The following KCNK18 variants were observed in gnomAD, a reference collection of about 807,000 sequenced individuals.
The protein encoded by KCNK18 is potassium channel subfamily K member 18.
KCNK18 carries 8 observed loss-of-function variants against 11.8 expected under a neutral mutation model. That is an observed-to-expected ratio of 0.68 (90% CI 0.40 to 1.22). The LOEUF (loss-of-function observed/expected upper bound fraction) is 1.22. Among genes scored for constraint, KCNK18 ranks in the 50% most tolerant of loss-of-function variants. The probability of loss-of-function intolerance (pLI) is 0.01; values close to 1 mark genes in which losing one functional copy is unlikely to be tolerated. For missense variants in KCNK18, 442 were observed against 465.4 expected, an observed-to-expected ratio of 0.95 and a Z score of 0.46; for synonymous variants, 208 against 185.8, an observed-to-expected ratio of 1.12 and a Z score of -0.97.
At chr10:117,203,664 C>T (rs765184719) in intron 2 of KCNK18, among the ~76,000 whole-genome samples, 2 of 152,200 alleles carry the variant, frequency 1.3e-5, no homozygotes, top group Admixed American at 6.5e-5. Context: ...CTCGGTCTCC[C>T]GAGTAGCTGA....
rs1467618048 is a variant in KCNK18 at position 117,209,987 on chromosome 10, C to A, written c.843C>A (p.Ile281=). Reference sequence around the variant, plus strand: ...GACAGCAGGTGGAGAGGTTGGACATCCCCCTCCCCATCATTGCCCTTATTG... The same window carrying A: ...GACAGCAGGTGGAGAGGTTGGACATACCCCTCCCCATCATTGCCCTTATTG... ...EVGQQVERLD[I]PLPIIALIVF... Residue 281 remains isoleucine (I), a synonymous_variant, in exon 3 of 3, where the codon ATC becomes ATA. Coordinates refer to ENST00000334549, the MANE Select transcript of KCNK18 (RefSeq NM_181840.1). The A allele has an allele frequency of 6.2e-7, 1 of 1,614,154 alleles. No individual in the cohort carries two copies. The highest frequency in any genetic ancestry group is 8.5e-7 in the Non-Finnish European group (1 of 1,180,010).
Position 117,210,143 on chromosome 10 carries a change from C to A in KCNK18, c.999C>A (p.His333Gln), listed in dbSNP as rs548343681. Residue 333 changes from histidine (H) to glutamine (Q), a missense_variant, in exon 3 of 3, where the codon CAC (histidine) becomes CAA (glutamine). Transcript: ENST00000334549. ...TIGFGDTVLEHPNFFLFFSIY... is the reference protein window; with the variant it reads ...TIGFGDTVLEQPNFFLFFSIY... ...GGTTTGGGGATACTGTTTTAGAACACCCTAACTTCTTCCTGTTCTTCTCCA... is the reference window on the plus strand; with the variant it reads ...GGTTTGGGGATACTGTTTTAGAACAACCTAACTTCTTCCTGTTCTTCTCCA... The A allele has an allele frequency of 1.2e-6, 2 of 1,614,222 alleles. No homozygotes were observed. Among genetic ancestry groups the A allele is most frequent in the African/African-American group, 2.7e-5 (2 of 75,046 alleles).
intron 1 of KCNK18, among the ~76,000 whole-genome samples, chr10:117,198,487 C>G (rs1191115366): frequency 6.6e-6 from 1 of 152,204 alleles, no homozygotes; most frequent in Non-Finnish European, 1.5e-5. Flanking sequence ...ACAGAAGTCA[C>G]TTTATAGTGT....
intron 2 of KCNK18, among the ~76,000 whole-genome samples, chr10:117,202,138 G>A (rs1855020491): frequency 6.6e-6 from 1 of 152,250 alleles, no homozygotes; most frequent in Non-Finnish European, 1.5e-5. Context: ...ATCCCTAGGA[G>A]GACCTGGCCC....
chr10:117,199,961 T>C (rs1306834544), intron 1 of KCNK18, among the ~76,000 whole-genome samples: 1 of 152,240 alleles, frequency 6.6e-6, no homozygotes, highest in Admixed American at 6.5e-5. Context: ...CCCTGCTCTG[T>C]TAGCCTTGGA....
chr10:117,205,765 C>T (rs1276265758), intron 2 of KCNK18, among the ~76,000 whole-genome samples: 1 of 152,142 alleles, frequency 6.6e-6, no homozygotes, highest in African/African-American at 2.4e-5. Flanking sequence ...AAGATGCAAA[C>T]CAAGTCAGAA....
chr10:117,209,529 G>T lies in KCNK18; in HGVS notation c.385G>T (p.Gly129Cys). Reference sequence around the variant, plus strand: ...CTACATCTACCCCGTCACCAGGCTTGGCAAGTACTTGTGCATGCTCTATGC... The same window carrying T: ...CTACATCTACCCCGTCACCAGGCTTTGCAAGTACTTGTGCATGCTCTATGC... ...YGYIYPVTRL[G>C]KYLCMLYALF... is the part of the protein sequence containing the mutation. The change falls in exon 3 of 3, where the codon GGC becomes TGC. Residue 129 changes from glycine to cysteine, a missense_variant. Coordinates refer to ENST00000334549, the MANE Select transcript of KCNK18 (RefSeq NM_181840.1). 6.2e-7 allele frequency: 1 copy of T among 1,614,088 alleles called. No individual in the cohort carries two copies. The highest frequency in any genetic ancestry group is 8.5e-7 in the Non-Finnish European group (1 of 1,180,012).
Position 117,209,955 on chromosome 10 carries a change from G to A in KCNK18, c.811G>A (p.Glu271Lys), listed in dbSNP as rs1855125460. The A allele has an allele frequency of 1.2e-6, 2 of 1,614,248 alleles. No homozygotes were observed. Among genetic ancestry groups the A allele is most frequent in the Non-Finnish European group, 1.7e-6 (2 of 1,180,044 alleles). Reference sequence around the variant, plus strand: ...ATACTCCATCATCAGCAACCTGGATGAAGTTGGACAGCAGGTGGAGAGGTT... The same window carrying A: ...ATACTCCATCATCAGCAACCTGGATAAAGTTGGACAGCAGGTGGAGAGGTT... ...LSYSIISNLD[E>K]VGQQVERLDI... The change falls in exon 3 of 3, where the codon GAA (glutamate) becomes AAA (lysine). Residue 271 changes from glutamate to lysine, a missense_variant. Transcript: ENST00000334549.
Position 117,209,912 on chromosome 10 carries a change from G to A in KCNK18, c.768G>A (p.Leu256=). Reference sequence around the variant, plus strand: ...AGAGGAGTAACTCGTGTCCCGAACTGGTGTTGGGAAGACTCTCATACTCCA... The same window carrying A: ...AGAGGAGTAACTCGTGTCCCGAACTAGTGTTGGGAAGACTCTCATACTCCA... ...AMERSNSCPE[L]VLGRLSYSII... Residue 256 remains leucine (L), a synonymous_variant, in exon 3 of 3, where the codon CTG becomes CTA. Transcript: ENST00000334549. 6.2e-7 allele frequency: 1 copy of A among 1,614,196 alleles called. No individual in the cohort carries two copies. The highest frequency in any genetic ancestry group is 1.1e-5 in the South Asian group (1 of 91,078).
intron 2 of KCNK18, among the ~76,000 whole-genome samples, chr10:117,208,424 AT>A (rs1855103009): frequency 6.6e-6 from 1 of 152,142 alleles, no homozygotes; most frequent in Non-Finnish European, 1.5e-5. Flanking sequence ...CAAAGTAGGT[AT>A]TGTCATCCCC....
intron 1 of KCNK18, among the ~76,000 whole-genome samples, chr10:117,200,856 T>C (rs1855005244): frequency 6.6e-6 from 1 of 151,092 alleles, no homozygotes; most frequent in South Asian, 2.1e-4. Context: ...TTCAGAAAAT[T>C]AAAAGGCAAA....
chr10:117,206,236 C>A (rs1403256238), intron 2 of KCNK18, among the ~76,000 whole-genome samples: 1 of 152,096 alleles, frequency 6.6e-6, no homozygotes, highest in African/African-American at 2.4e-5. Flanking sequence ...CCCTCTAAGG[C>A]TCTAGGAGAG....
rs761005899 is a variant in KCNK18 at position 117,209,860 on chromosome 10, C to T, written c.716C>T (p.Thr239Ile). The T allele has an allele frequency of 1.9e-6, 3 of 1,614,182 alleles. No homozygotes were observed. The highest frequency in any genetic ancestry group is 2.5e-6 in the Non-Finnish European group (3 of 1,180,036). ...ERSHALEKQNTLQLPPQAMER... is the reference protein window; with the variant it reads ...ERSHALEKQNILQLPPQAMER... Reference sequence around the variant, plus strand: ...TCTCATGCGCTAGAGAAACAGAACACACTGCAACTGCCCCCACAAGCCATG... The same window carrying T: ...TCTCATGCGCTAGAGAAACAGAACATACTGCAACTGCCCCCACAAGCCATG... Residue 239 changes from threonine to isoleucine, a missense_variant, in exon 3 of 3, where the codon ACA becomes ATA. Physicochemically the swap from Thr to Ile is moderately conservative, Grantham distance 89. Coordinates refer to ENST00000334549, the MANE Select transcript of KCNK18 (RefSeq NM_181840.1).
At chr10:117,209,443 G>A (rs894556937) in intron 2 of KCNK18, 54 bp from the exon 3 acceptor site, 18 of 1,443,206 alleles carry the variant, frequency 1.2e-5, no homozygotes, top group Non-Finnish European at 1.8e-5. Context: ...AAGCTTTTGG[G>A]GGGAAAAAGG....
In KCNK18 at chr10:117,197,541, G is replaced by A. The variant is rs200988187; in HGVS notation, c.53G>A (p.Gly18Glu). The A allele has an allele frequency of 9.9e-5, 160 of 1,614,202 alleles. No individual in the cohort carries two copies. The highest frequency in any genetic ancestry group is 1.2e-4 in the Non-Finnish European group (146 of 1,180,048). ...QARRCCPEALGKLFPGLCFLC... is the reference protein window; with the variant it reads ...QARRCCPEALEKLFPGLCFLC... ...AGGAGATGCTGCCCAGAGGCCCTGG[G>A]AAAGCTCTTCCCTGGCCTCTGCTTC... Residue 18 changes from glycine to glutamate, a missense_variant, in exon 1 of 3, where the codon GGA (glycine) becomes GAA (glutamate). Physicochemically the swap from Gly to Glu is moderately conservative, Grantham distance 98. Coordinates refer to ENST00000334549, the MANE Select transcript of KCNK18 (RefSeq NM_181840.1).
rs1287785534 is a variant in KCNK18 at position 117,201,291 on chromosome 10, A to G, written c.352+4A>G. 1 of 1,612,792 alleles carries G rather than the reference A, an allele frequency of 6.2e-7. No individual in the cohort carries two copies. Among genetic ancestry groups the G allele is most frequent in the East Asian group, 2.2e-5 (1 of 44,846 alleles). On this transcript the variant is annotated splice_donor_region_variant and intron_variant, in intron 2 of 2. Coordinates refer to ENST00000334549, the MANE Select transcript of KCNK18 (RefSeq NM_181840.1). ...TGCACGGTGTTCAGCACCGTGGGTA[A>G]GTGCAAAGCCACAGTCCCCCTCACG...
rs372049012 is a variant in KCNK18 at position 117,209,983 on chromosome 10, A to G, written c.839A>G (p.Asp280Gly). 20 of 1,613,904 alleles carry G rather than the reference A, an allele frequency of 1.2e-5. No homozygotes were observed. Among genetic ancestry groups the G allele is most frequent in the Admixed American group, 1.7e-5 (1 of 60,002 alleles). ...GTTGGACAGCAGGTGGAGAGGTTGGACATCCCCCTCCCCATCATTGCCCTT... is the reference window on the plus strand; with the variant it reads ...GTTGGACAGCAGGTGGAGAGGTTGGGCATCCCCCTCCCCATCATTGCCCTT... Reference protein sequence around the residue: ...DEVGQQVERLDIPLPIIALIV... With the variant: ...DEVGQQVERLGIPLPIIALIV... The change falls in exon 3 of 3, where the codon GAC becomes GGC. Residue 280 changes from aspartate (D) to glycine (G), a missense_variant. Physicochemically the swap from Asp to Gly is moderately conservative, Grantham distance 94. Transcript: ENST00000334549.
At chr10:117,200,674 TG>T (rs1212889838) in intron 1 of KCNK18, among the ~76,000 whole-genome samples, 1 of 151,858 alleles carries the variant, frequency 6.6e-6, no homozygotes, top group East Asian at 1.9e-4. Context: ...GGCATGGGTG[TG>T]GTAGTACGCC....
At chr10:117,206,620 G>A (rs533000318) in intron 2 of KCNK18, among the ~76,000 whole-genome samples, 1 of 152,146 alleles carries the variant, frequency 6.6e-6, no homozygotes, top group South Asian at 2.1e-4. Flanking sequence ...CCACCTCCCG[G>A]CCTCCCCTTG....
Sources: allele counts gnomAD v4.1 joint callset (sites outside exome capture counted in the v4.1 genomes callset), GRCh38; gene constraint gnomAD v4.1.1; transcripts MANE v1.5; gene names NCBI Gene and HGNC (gene_info 2026-07-23, HGNC 2026-07-21).